Variants in NTRK3 observed in about 807,000 individuals in gnomAD.
NTRK3 encodes the protein neurotrophic receptor tyrosine kinase 3.
In NTRK3, 24 loss-of-function variants were observed where a neutral mutation model predicts 91.7. The observed-to-expected ratio is 0.26, with a 90% CI of 0.19 to 0.37. NTRK3 has a LOEUF of 0.37. Ranked by LOEUF, NTRK3 falls within the 10% of genes least tolerant of loss-of-function variation. The pLI, the probability that NTRK3 is intolerant of heterozygous loss-of-function variation, is 1.00. For synonymous variants in NTRK3, 483 were observed against 404.0 expected (o/e 1.20, Z -2.34); for missense variants, 880 against 1,068.9 (o/e 0.82, Z 2.46).
chr15:88,153,763 T>A (rs921399020), intron 5 of NTRK3, among the ~76,000 whole-genome samples: 9 of 151,478 alleles, frequency 5.9e-5, no homozygotes, highest in Non-Finnish European at 1.3e-4. Flanking sequence ...AAATCTCACA[T>A]GGTAGAAGGG....
chr15:88,046,127 G>A (rs1025945558), intron 13 of NTRK3, among the ~76,000 whole-genome samples: 4 of 152,220 alleles, frequency 2.6e-5, no homozygotes, highest in African/African-American at 9.7e-5. Flanking sequence ...TATAAGGATG[G>A]TGATAGATGT....
chr15:88,215,695 C>T lies in NTRK3; in HGVS notation c.249-31396G>A, dbSNP rs571850874. 2.6e-5 allele frequency among the ~76,000 whole-genome samples: 4 copies of T among 152,314 alleles called. No homozygotes were observed. In the South Asian group the frequency reaches 8.3e-4, roughly 32 times the overall value. On this transcript the variant is annotated intron_variant, in intron 3 of 18. Transcript: ENST00000394480. ...ACTGCAAATTAAATGCAAAATTGGT[C>T]ACCTCTGGTGAGAGAATTGCAAGTC... is the stretch of plus-strand genomic sequence containing the variant.
At chr15:87,987,724 C>T (rs1449376268) in intron 14 of NTRK3, among the ~76,000 whole-genome samples, 1 of 151,758 alleles carries the variant, frequency 6.6e-6, no homozygotes, top group East Asian at 1.9e-4. Context: ...TCACCTTTCC[C>T]TTTATGTTAC....
intron 3 of NTRK3, among the ~76,000 whole-genome samples, chr15:88,246,769 C>T (rs1386747212): frequency 6.6e-6 from 1 of 152,188 alleles, no homozygotes; most frequent in African/African-American, 2.4e-5. Flanking sequence ...AGTCCGGGTC[C>T]TGGAGTCTCA....
chr15:87,977,800 T>C (rs1417300723), intron 14 of NTRK3: 1 of 232,422 alleles, frequency 4.3e-6, no homozygotes. Context: ...TGGAGGCATT[T>C]GCAGAATCGG....
At chr15:88,215,551 G>A (rs1246048175) in intron 3 of NTRK3, among the ~76,000 whole-genome samples, 21 of 152,226 alleles carry the variant, frequency 1.4e-4, no homozygotes, top group African/African-American at 5.1e-4. Flanking sequence ...GCAGCTCAGG[G>A]GAGCCAGGCT....
chr15:88,057,453 G>A (rs1180409668), intron 13 of NTRK3, among the ~76,000 whole-genome samples: 2 of 151,336 alleles, frequency 1.3e-5, no homozygotes, highest in East Asian at 3.9e-4. Context: ...AGCTGAGATT[G>A]TGCCACTGCA....
At chr15:88,098,983 G>A (rs911180366) in intron 13 of NTRK3, 5 of 232,186 alleles carry the variant, frequency 2.2e-5, no homozygotes, top group African/African-American at 4.4e-5. Flanking sequence ...TGCCCAAAGC[G>A]AAGGGCTCAT....
chr15:87,869,092 C>G (rs2064761087), exon 19 of NTRK3: 1 of 228,788 alleles, frequency 4.4e-6, no homozygotes. Flanking sequence ...TTTTTCATGC[C>G]TTAATTTGCA....
intron 14 of NTRK3, among the ~76,000 whole-genome samples, chr15:88,023,382 C>G (rs531290963): frequency 6.6e-6 from 1 of 152,278 alleles, no homozygotes; most frequent in East Asian, 1.9e-4. Context: ...CCTAGTTATT[C>G]TAACTGAATC....
intron 3 of NTRK3, among the ~76,000 whole-genome samples, chr15:88,244,865 G>C (rs188968398): frequency 2.7e-4 from 41 of 152,312 alleles, no homozygotes; most frequent in East Asian, 2.3e-3. Flanking sequence ...AGCTATGTAA[G>C]GCAAGAATAG....
chr15:87,946,987 TTC>T (rs1353713632), intron 14 of NTRK3, among the ~76,000 whole-genome samples: 9 of 146,858 alleles, frequency 6.1e-5, no homozygotes, highest in African/African-American at 2.2e-4. Flanking sequence ...GTTCAAGCAA[TTC>T]TGCCTCAGAC....
intron 14 of NTRK3, 30 bp from the exon 15 acceptor site, chr15:87,940,783 C>A: frequency 6.2e-7 from 1 of 1,613,984 alleles, no homozygotes; most frequent in South Asian, 1.1e-5. Context: ...AGGAGGGCAG[C>A]AAATCAGTCC....
At chr15:88,212,948 C>G (rs2049390997) in intron 3 of NTRK3, among the ~76,000 whole-genome samples, 1 of 152,240 alleles carries the variant, frequency 6.6e-6, no homozygotes. Flanking sequence ...CTGGTCACTG[C>G]ACCGATGCCC....
At chr15:88,002,639 A>G (rs2076194373) in intron 14 of NTRK3, among the ~76,000 whole-genome samples, 1 of 151,882 alleles carries the variant, frequency 6.6e-6, no homozygotes, top group Non-Finnish European at 1.5e-5. Context: ...TGAAATAAAA[A>G]GAGACAGTTT....
chr15:87,978,644 C>T (rs1486921675), intron 14 of NTRK3: 2 of 231,600 alleles, frequency 8.6e-6, no homozygotes, highest in African/African-American at 2.2e-5. Context: ...TCTAATGTCA[C>T]ACTCATTGTG....
intron 14 of NTRK3, among the ~76,000 whole-genome samples, chr15:88,027,214 G>A (rs544765984): frequency 6.6e-6 from 1 of 152,056 alleles, no homozygotes; most frequent in South Asian, 2.1e-4. Context: ...AGTAGCTTAA[G>A]CTCTCTGAGT....
At chr15:87,961,127 AC>A (rs1165503584) in intron 14 of NTRK3, among the ~76,000 whole-genome samples, 1 of 152,134 alleles carries the variant, frequency 6.6e-6, no homozygotes, top group African/African-American at 2.4e-5. Context: ...TGGGGTACTC[AC>A]TTATCTCGAC....
intron 13 of NTRK3, among the ~76,000 whole-genome samples, chr15:88,095,149 G>T (rs2049454716): frequency 6.6e-6 from 1 of 152,234 alleles, no homozygotes; most frequent in Non-Finnish European, 1.5e-5. Context: ...AGAACAGCTT[G>T]TGTTCTCTAG....
Sources: gnomAD v4.1 joint callset for allele counts (sites outside exome capture counted in the v4.1 genomes callset) on GRCh38, gnomAD v4.1.1 for gene constraint, MANE v1.5 for transcripts, NCBI Gene and HGNC (gene_info 2026-07-23, HGNC 2026-07-21) for gene names.